Variants in ANKS3 observed in about 807,000 individuals in gnomAD.
The protein encoded by ANKS3 is ankyrin repeat and sterile alpha motif domain containing 3.
ANKS3 carries 62 observed loss-of-function variants against 80.7 expected under a neutral mutation model. That is an observed-to-expected ratio of 0.77 (90% CI 0.63 to 0.95). ANKS3 has a LOEUF of 0.95. ANKS3 is among the 40% of genes least tolerant of loss of function. The pLI is 0.00. For missense variants in ANKS3, 1,150 were observed against 883.6 expected (o/e 1.30, Z -3.82); for synonymous variants, 489 against 355.3 (o/e 1.38, Z -4.23).
chr16:4,712,312 G>A (rs761395620), intron 7 of ANKS3, among the ~76,000 whole-genome samples: 31 of 151,958 alleles, frequency 2.0e-4, no homozygotes, highest in Non-Finnish European at 2.8e-4. Context: ...CGGAGGTTGC[G>A]GAGGTTGCAG....
rs1162971461 is a variant in ANKS3 at position 4,713,955 on chromosome 16, G to A, written c.709+96C>T. The A allele has an allele frequency of 4.3e-5, 65 of 1,506,120 alleles. No homozygotes were observed. The East Asian group carries it at 1.3e-3, about 31-fold the overall frequency. 93.3% of individuals were successfully genotyped at this position (1,506,120 alleles called of 1,614,324 possible). A position where few individuals can be genotyped will look rare whatever the true frequency, so the allele number is the denominator to read the frequency against. The stretch of plus-strand genomic sequence containing the variant: ...CAGAGCCAAATCTCAGAGAAGGTGG[G>A]AGCCGGGGAAGCGGGGGACATCTTT... On this transcript the variant is annotated intron_variant, in intron 7 of 17. Coordinates refer to ENST00000304283, the MANE Select transcript of ANKS3 (RefSeq NM_133450.4).
At chr16:4,722,506 G>A (rs542750434) in intron 6 of ANKS3, among the ~76,000 whole-genome samples, 3 of 150,976 alleles carry the variant, frequency 2.0e-5, no homozygotes, top group Non-Finnish European at 4.4e-5. Flanking sequence ...AACCTGGGAG[G>A]TGGAGGTTGC....
rs781439280 is a variant in ANKS3, at chr16:4,724,784, CCAG to C, written c.536_538del (p.Ala179del). The C allele has an allele frequency of 6.2e-7, 1 of 1,614,048 alleles. No individual in the cohort carries two copies. The highest frequency in any genetic ancestry group is 8.5e-7 in the Non-Finnish European group (1 of 1,179,976). ...AAAATACTGCACGATTATCTCATGG[CCAG>C]CAGCAGCTGCTTCCATCAAGGGAGT... On this transcript the variant is annotated inframe_deletion, in exon 6 of 18. Transcript: ENST00000304283.
In ANKS3 at chr16:4,727,187, C is replaced by G; in HGVS notation, c.171-10G>C. 2 of 1,613,636 alleles carry G rather than the reference C, an allele frequency of 1.2e-6. No homozygotes were observed. The highest frequency in any genetic ancestry group is 1.1e-5 in the South Asian group (1 of 91,078). Reference sequence around the variant, plus strand: ...CAAATCTAACTCTCTCCTAAACAAACGCAAGATATGCTAGACATGGCCAGC... The same window carrying G: ...CAAATCTAACTCTCTCCTAAACAAAGGCAAGATATGCTAGACATGGCCAGC... On this transcript the variant is annotated splice_polypyrimidine_tract_variant and intron_variant, in intron 3 of 17. Coordinates refer to ENST00000304283, the MANE Select transcript of ANKS3 (RefSeq NM_133450.4).
chr16:4,727,026 G>C lies in ANKS3; in HGVS notation c.322C>G (p.Leu108Val). ...PTPEGQTPLM[L>V]ASSCGNESIA... ...CTCTCGTTGCCACAGCTGGAGGCCA[G>C]CATCAGTGGAGTCTGCCCTTCTGGG... Residue 108 changes from leucine (L) to valine (V), a missense_variant, in exon 4 of 18, where the codon CTG becomes GTG. Transcript: ENST00000304283. 1 of 1,614,154 alleles carries C rather than the reference G, an allele frequency of 6.2e-7. No homozygotes were observed. Among genetic ancestry groups the C allele is most frequent in the Non-Finnish European group, 8.5e-7 (1 of 1,180,038 alleles).
At chr16:4,715,815 T>A (rs541628152) in intron 6 of ANKS3, among the ~76,000 whole-genome samples, 14 of 152,158 alleles carry the variant, frequency 9.2e-5, no homozygotes, top group Middle Eastern at 3.4e-3. Flanking sequence ...TTTTTTTTTT[T>A]AATAGGATCT....
At position 4,727,226 on chromosome 16, in the gene ANKS3, G is replaced by A. The variant is rs367773587; in HGVS notation, c.171-49C>T. 3.1e-6 allele frequency: 5 copies of A among 1,592,710 alleles called. No individual in the cohort carries two copies. In the African/African-American group the frequency reaches 6.7e-5, roughly 21 times the overall value. ...GACATGGCCAGCCGCCTCGCATGTG[G>A]GGTTCACCAAAGCTGGTGGCGAGGC... On this transcript the variant is annotated intron_variant, in intron 3 of 17. Coordinates refer to ENST00000304283, the MANE Select transcript of ANKS3 (RefSeq NM_133450.4).
At chr16:4,719,639 A>G (rs1596417211) in intron 6 of ANKS3, among the ~76,000 whole-genome samples, 1 of 150,892 alleles carries the variant, frequency 6.6e-6, no homozygotes, top group East Asian at 2.0e-4. Flanking sequence ...TTTTGTCTCT[A>G]CAAAAAAAAA....
At position 4,716,852 on chromosome 16, in the gene ANKS3, T is replaced by A. The variant is rs148989252; in HGVS notation, c.574-2666A>T. Among the ~76,000 whole-genome samples the A allele has an allele frequency of 5.2e-3, 788 of 151,762 alleles. 5 individuals carry two copies. Among genetic ancestry groups the A allele is most frequent in the African/African-American group, 0.012 (486 of 41,352 alleles). On this transcript the variant is annotated intron_variant, in intron 6 of 17. Transcript: ENST00000304283. ...AATCCTTGAATCCAGGAGGCGGAGG[T>A]TGCAGTGAGCTGAGATCGCGCCACT...
chr16:4,705,361 G>C, intron 7 of ANKS3, 108 bp from the exon 8 acceptor site: 1 of 1,351,074 alleles, frequency 7.4e-7, no homozygotes, highest in Non-Finnish European at 1.0e-6. Context: ...GTTAAATTAA[G>C]GAGAAGGGTA....
Position 4,718,853 on chromosome 16 carries a change from G to C in ANKS3, c.574-4667C>G, listed in dbSNP as rs567076083. On this transcript the variant is annotated intron_variant, in intron 6 of 17. Coordinates refer to ENST00000304283, the MANE Select transcript of ANKS3 (RefSeq NM_133450.4). ...CTGATAATTTTGTGTGACTGGGAAA[G>C]AGAACATTTTTGCTTTTAGGAAATA... Among the ~76,000 whole-genome samples the C allele has an allele frequency of 2.6e-5, 4 of 152,298 alleles. No individual in the cohort carries two copies. In the East Asian group the frequency reaches 5.8e-4, roughly 22 times the overall value.
intron 14 of ANKS3, 92 bp from the exon 15 acceptor site, chr16:4,698,154 G>T: frequency 1.4e-6 from 2 of 1,406,604 alleles, no homozygotes; most frequent in Non-Finnish European, 1.9e-6. Context: ...GAGGGGCTCA[G>T]CCCTGTCCTT....
At chr16:4,733,655 G>A (rs963868685) in intron 1 of ANKS3, among the ~76,000 whole-genome samples, 1 of 152,168 alleles carries the variant, frequency 6.6e-6, no homozygotes, top group Non-Finnish European at 1.5e-5. Context: ...AAGGATAAAT[G>A]CTTGAAGGGA....
intron 3 of ANKS3, chr16:4,727,382 C>G (rs530025736): frequency 4.9e-6 from 3 of 611,648 alleles, no homozygotes; most frequent in South Asian, 3.9e-5. Context: ...CCTGAGCCTT[C>G]GTCTCCTTGC....
At chr16:4,730,525 C>T (rs1170148530) in intron 2 of ANKS3, among the ~76,000 whole-genome samples, 1 of 152,278 alleles carries the variant, frequency 6.6e-6, no homozygotes, top group East Asian at 1.9e-4. Flanking sequence ...TTAACCCAAT[C>T]AGTTCCTTGA....
At chr16:4,714,215 G>T in intron 6 of ANKS3, 29 bp from the exon 7 acceptor site, 1 of 1,611,676 alleles carries the variant, frequency 6.2e-7, no homozygotes, top group Non-Finnish European at 8.5e-7. Flanking sequence ...GGGGGTTAGG[G>T]GCCTCTCCTT....
intron 9 of ANKS3, 185 bp downstream of exon 9, chr16:4,701,917 G>C (rs1046659815): frequency 9.6e-6 from 7 of 728,828 alleles, no homozygotes; most frequent in Non-Finnish European, 1.5e-5. Flanking sequence ...TAAGCCGCAC[G>C]GGGATGCTGG....
rs767934715 is a variant in ANKS3 at position 4,697,409 on chromosome 16, C to G, written c.1818G>C (p.Lys606Asn). 6.2e-7 allele frequency: 1 copy of G among 1,605,528 alleles called. No homozygotes were observed. The highest frequency in any genetic ancestry group is 8.5e-7 in the Non-Finnish European group (1 of 1,176,494). ...LGLAVPPADSKGWQASLQAMS... is the reference protein window; with the variant it reads ...LGLAVPPADSNGWQASLQAMS... ...TGGCCTGCAGGGACGCTTGCCAGCCCTTGGAGTCTGTGGTGCAGGTGCAGG... is the reference window on the plus strand; with the variant it reads ...TGGCCTGCAGGGACGCTTGCCAGCCGTTGGAGTCTGTGGTGCAGGTGCAGG... Residue 606 changes from lysine to asparagine, a missense_variant, in exon 16 of 18, where the codon AAG (lysine) becomes AAC (asparagine). Coordinates refer to ENST00000304283, the MANE Select transcript of ANKS3 (RefSeq NM_133450.4).
At chr16:4,719,081 T>A (rs1463046657) in intron 6 of ANKS3, among the ~76,000 whole-genome samples, 1 of 152,206 alleles carries the variant, frequency 6.6e-6, no homozygotes, top group African/African-American at 2.4e-5. Flanking sequence ...CTGCCTGTAA[T>A]CCCAGCGCTT....
Sources: allele counts gnomAD v4.1 joint callset (sites outside exome capture counted in the v4.1 genomes callset), GRCh38; gene constraint gnomAD v4.1.1; transcripts MANE v1.5; gene names NCBI Gene and HGNC (gene_info 2026-07-23, HGNC 2026-07-21).